Variants in DLG2 observed in about 807,000 individuals in gnomAD.
DLG2 encodes disks large homolog 2.
A neutral mutation model predicts 132.5 loss-of-function variants in DLG2; 45 were observed. The observed-to-expected ratio is 0.34, with a 90% CI of 0.27 to 0.44. The LOEUF is 0.44. Among genes scored for constraint, DLG2 ranks in the 20% least tolerant of loss-of-function variants. The pLI is 1.00. For missense variants in DLG2, 1,045 were observed against 1,196.9 expected (o/e 0.87, Z 1.87); for synonymous variants, 424 against 419.6 (o/e 1.01, Z -0.13).
At chr11:84,478,866 TGATTTGTGTAAG>T (rs1238545110) in intron 7 of DLG2, among the ~76,000 whole-genome samples, 12 of 152,202 alleles carry the variant, frequency 7.9e-5, no homozygotes, top group African/African-American at 2.9e-4. Context: ...GTATAAAAGA[TGATTTGTGTAAG>T]GCATCTTCTT....
intron 8 of DLG2, among the ~76,000 whole-genome samples, chr11:84,241,306 A>G (rs960914615): frequency 1.3e-5 from 2 of 152,244 alleles, no homozygotes; most frequent in African/African-American, 4.8e-5. Flanking sequence ...TACATTCTAG[A>G]GAGAAAGATC....
chr11:85,505,779 G>A (rs1192898679), intron 3 of DLG2, among the ~76,000 whole-genome samples: 1 of 152,162 alleles, frequency 6.6e-6, no homozygotes, highest in African/African-American at 2.4e-5. Context: ...GATTGGAATA[G>A]TTTCAGAAGG....
intron 8 of DLG2, among the ~76,000 whole-genome samples, chr11:84,239,671 G>A (rs1411440469): frequency 6.6e-6 from 1 of 152,144 alleles, no homozygotes; most frequent in Non-Finnish European, 1.5e-5. Context: ...TACAACCAGT[G>A]GTTTCTGAAA....
chr11:85,295,762 T>C (rs2079172387), intron 3 of DLG2, among the ~76,000 whole-genome samples: 1 of 152,134 alleles, frequency 6.6e-6, no homozygotes, highest in African/African-American at 2.4e-5. Flanking sequence ...TAAGGAACTC[T>C]CAAAAACTTT....
At chr11:85,290,700 A>T (rs1057283982) in intron 3 of DLG2, among the ~76,000 whole-genome samples, 5 of 152,208 alleles carry the variant, frequency 3.3e-5, no homozygotes, top group Admixed American at 2.6e-4. Flanking sequence ...AAGAAGCTGT[A>T]TGTCCATCTT....
chr11:84,375,157 C>A (rs1007421664), intron 7 of DLG2, among the ~76,000 whole-genome samples: 1 of 152,152 alleles, frequency 6.6e-6, no homozygotes, highest in Non-Finnish European at 1.5e-5. Context: ...CTCATTATAA[C>A]ACTTTTCATA....
intron 8 of DLG2, among the ~76,000 whole-genome samples, chr11:84,212,047 G>A (rs1254938929): frequency 6.6e-6 from 1 of 152,150 alleles, no homozygotes; most frequent in Non-Finnish European, 1.5e-5. Context: ...TTTACACTAA[G>A]CACTGTTTGC....
intron 17 of DLG2, among the ~76,000 whole-genome samples, chr11:83,825,663 G>A (rs547982813): frequency 4.6e-5 from 7 of 152,130 alleles, no homozygotes; most frequent in Non-Finnish European, 5.9e-5. Flanking sequence ...GATGGAGGTA[G>A]GAGGGAGCTC....
intron 6 of DLG2, among the ~76,000 whole-genome samples, chr11:84,666,515 A>G (rs1264457006): frequency 6.6e-6 from 1 of 151,976 alleles, no homozygotes; most frequent in African/African-American, 2.4e-5. Flanking sequence ...CACACCCCAT[A>G]TTGGTTCTGT....
chr11:83,483,453 AC>A (rs1287331466), intron 22 of DLG2, among the ~76,000 whole-genome samples: 6 of 151,972 alleles, frequency 3.9e-5, no homozygotes, highest in African/African-American at 1.4e-4. Context: ...AAAAACTTTC[AC>A]CCCAAACTCC....
chr11:84,857,068 AT>A (rs2082889463), intron 6 of DLG2, among the ~76,000 whole-genome samples: 1 of 150,908 alleles, frequency 6.6e-6, no homozygotes, highest in East Asian at 2.0e-4. Flanking sequence ...CATTGGTAAA[AT>A]TACCAATGGC....
At chr11:83,538,626 G>C (rs1319623040) in intron 20 of DLG2, among the ~76,000 whole-genome samples, 1 of 152,176 alleles carries the variant, frequency 6.6e-6, no homozygotes, top group Non-Finnish European at 1.5e-5. Context: ...CTGATCCTCA[G>C]TTTCCTTATG....
At chr11:85,130,392 A>G (rs1380655581) in intron 5 of DLG2, among the ~76,000 whole-genome samples, 1 of 152,198 alleles carries the variant, frequency 6.6e-6, no homozygotes, top group Non-Finnish European at 1.5e-5. Flanking sequence ...GGCAGAACTC[A>G]GAGCTCACAG....
rs545120965 is a variant in DLG2 at position 84,962,832 on chromosome 11, G to A, written c.357+148829C>T. On this transcript the variant is annotated intron_variant, in intron 6 of 27. Coordinates refer to ENST00000376104, the MANE Select transcript of DLG2 (RefSeq NM_001142699.3). Reference sequence around the variant, plus strand: ...CTTCTATTTCTTTCTTTAATGCTGCGTATTCAAAGCTAAGTATTCTGGCAG... The same window carrying A: ...CTTCTATTTCTTTCTTTAATGCTGCATATTCAAAGCTAAGTATTCTGGCAG... 1.7e-3 allele frequency among the ~76,000 whole-genome samples: 257 copies of A among 152,278 alleles called. 1 individual carries two copies. Among genetic ancestry groups the A allele is most frequent in the South Asian group, 6.0e-3 (29 of 4,826 alleles).
chr11:84,652,464 C>T (rs1217153431), intron 6 of DLG2, among the ~76,000 whole-genome samples: 1 of 152,044 alleles, frequency 6.6e-6, no homozygotes, highest in African/African-American at 2.4e-5. Flanking sequence ...ACAGACCAAA[C>T]AGGAGCAGGA....
chr11:85,475,861 C>G (rs541141799), intron 3 of DLG2, among the ~76,000 whole-genome samples: 1 of 152,206 alleles, frequency 6.6e-6, no homozygotes, highest in East Asian at 1.9e-4. Context: ...CATCCATGCT[C>G]TTAACTACAA....
intron 6 of DLG2, among the ~76,000 whole-genome samples, chr11:84,560,411 A>T (rs1253997490): frequency 6.6e-6 from 1 of 152,140 alleles, no homozygotes; most frequent in East Asian, 1.9e-4. Flanking sequence ...AAGGCAACAG[A>T]ACTGGCAGGC....
At chr11:83,828,349 C>T (rs1318618973) in intron 17 of DLG2, among the ~76,000 whole-genome samples, 4 of 152,102 alleles carry the variant, frequency 2.6e-5, no homozygotes, top group African/African-American at 9.7e-5. Context: ...GCCGAGATCA[C>T]GCCACTGTGC....
intron 6 of DLG2, among the ~76,000 whole-genome samples, chr11:84,776,616 AG>A (rs2070565600): frequency 6.6e-6 from 1 of 152,182 alleles, no homozygotes; most frequent in African/African-American, 2.4e-5. Context: ...CTGTCCAAAA[AG>A]TTTTCTAATT....
Sources: allele counts gnomAD v4.1 joint callset (sites outside exome capture counted in the v4.1 genomes callset), GRCh38; gene constraint gnomAD v4.1.1; transcripts MANE v1.5; gene names NCBI Gene and HGNC (gene_info 2026-07-23, HGNC 2026-07-21).